The following HS6ST3 variants were observed in gnomAD, a reference collection of about 807,000 sequenced individuals.
The protein encoded by HS6ST3 is heparan sulfate 6-O-sulfotransferase 3.
In HS6ST3, 12 loss-of-function variants were observed where a neutral mutation model predicts 36.7. The observed-to-expected ratio is 0.33, with a 90% CI of 0.21 to 0.53. The LOEUF (loss-of-function observed/expected upper bound fraction) is 0.53. Among genes scored for constraint, HS6ST3 ranks in the 20% least tolerant of loss-of-function variants. HS6ST3 has a pLI of 0.95. For synonymous variants in HS6ST3, 240 were observed against 257.5 expected, an observed-to-expected ratio of 0.93 and a Z score of 0.65; for missense variants, 584 against 640.9, an observed-to-expected ratio of 0.91 and a Z score of 0.96.
chr13:96,224,488 A>G (rs1305592611), intron 1 of HS6ST3, among the ~76,000 whole-genome samples: 1 of 152,202 alleles, frequency 6.6e-6, no homozygotes, highest in Non-Finnish European at 1.5e-5. Context: ...TGCCTGGCTA[A>G]TTTTTTAATT....
At chr13:96,124,962 C>T (rs2053943583) in intron 1 of HS6ST3, among the ~76,000 whole-genome samples, 1 of 151,888 alleles carries the variant, frequency 6.6e-6, no homozygotes, top group Admixed American at 6.6e-5. Context: ...TCTGCTGTAT[C>T]TAGAAAAGTA....
chr13:96,342,471 G>A lies in HS6ST3; in HGVS notation c.707+250902G>A, dbSNP rs146004072. On this transcript the variant is annotated intron_variant, in intron 1 of 1. Coordinates refer to ENST00000376705, the MANE Select transcript of HS6ST3 (RefSeq NM_153456.4). ...AGAGTTCCCCCGAAGCATCGCCCTT[G>A]TAGCCAACAGAACATTCTGTCGCAC... 3.9e-5 allele frequency among the ~76,000 whole-genome samples: 6 copies of A among 152,290 alleles called. No homozygotes were observed. The East Asian group carries it at 1.2e-3, about 29-fold the overall frequency.
rs567929184 is a variant in HS6ST3, at chr13:96,149,968, A to G, written c.707+58399A>G. ...GTGGTGTTACGGCATCTTTGTTCTC[A>G]TAGGTTGGTGAGCGGGACGGAGGGT... On this transcript the variant is annotated intron_variant, in intron 1 of 1. Transcript: ENST00000376705. Among the ~76,000 whole-genome samples, 128 of 152,282 alleles carry G rather than the reference A, an allele frequency of 8.4e-4. 1 individual carries two copies. Among genetic ancestry groups the G allele is most frequent in the Non-Finnish European group, 1.4e-3 (98 of 68,006 alleles).
At chr13:96,809,449 T>C (rs1243435632) in intron 1 of HS6ST3, among the ~76,000 whole-genome samples, 1 of 152,348 alleles carries the variant, frequency 6.6e-6, no homozygotes, top group East Asian at 1.9e-4. Flanking sequence ...TGGTTTTCAA[T>C]GTTTAATTTA....
intron 1 of HS6ST3, among the ~76,000 whole-genome samples, chr13:96,163,073 A>G (rs568184457): frequency 6.6e-6 from 1 of 152,122 alleles, no homozygotes; most frequent in African/African-American, 2.4e-5. Context: ...ATAGCTGCGA[A>G]TTCTTAAGAA....
intron 1 of HS6ST3, among the ~76,000 whole-genome samples, chr13:96,271,596 G>T (rs987698020): frequency 5.9e-5 from 9 of 151,940 alleles, no homozygotes; most frequent in Non-Finnish European, 1.2e-4. Context: ...ATTCTGAATG[G>T]AAAGGGGCTC....
At chr13:96,744,569 G>A (rs1201349519) in intron 1 of HS6ST3, among the ~76,000 whole-genome samples, 1 of 152,062 alleles carries the variant, frequency 6.6e-6, no homozygotes, top group Non-Finnish European at 1.5e-5. Context: ...AGAACCGTAT[G>A]AATAACTGTT....
intron 1 of HS6ST3, among the ~76,000 whole-genome samples, chr13:96,093,928 G>A (rs1269829195): frequency 6.6e-6 from 1 of 152,128 alleles, no homozygotes; most frequent in Non-Finnish European, 1.5e-5. Context: ...ATGGGAACAA[G>A]GTTCTACTTC....
chr13:96,552,184 A>G (rs1300928168), intron 1 of HS6ST3, among the ~76,000 whole-genome samples: 1 of 152,212 alleles, frequency 6.6e-6, no homozygotes, highest in African/African-American at 2.4e-5. Flanking sequence ...AATTACACCT[A>G]TTACAGAAGT....
chr13:96,248,198 G>A (rs1239162232), intron 1 of HS6ST3, among the ~76,000 whole-genome samples: 1 of 152,152 alleles, frequency 6.6e-6, no homozygotes, highest in Non-Finnish European at 1.5e-5. Flanking sequence ...ATACATGCCT[G>A]TACCAACAAA....
At chr13:96,628,323 G>A (rs912906745) in intron 1 of HS6ST3, among the ~76,000 whole-genome samples, 2 of 151,686 alleles carry the variant, frequency 1.3e-5, no homozygotes, top group South Asian at 4.2e-4. Context: ...CTTTTTCTAG[G>A]TATTTTTTTG....
chr13:96,433,278 C>T (rs1367445246), intron 1 of HS6ST3, among the ~76,000 whole-genome samples: 3 of 151,874 alleles, frequency 2.0e-5, no homozygotes, highest in Non-Finnish European at 4.4e-5. Context: ...TTGGGGTGAG[C>T]CCTAATCCAA....
At chr13:96,700,783 G>T (rs767000815) in intron 1 of HS6ST3, among the ~76,000 whole-genome samples, 1 of 152,150 alleles carries the variant, frequency 6.6e-6, no homozygotes, top group Non-Finnish European at 1.5e-5. Flanking sequence ...CACTGGAAAA[G>T]GTCATTTGCA....
At chr13:96,525,400 T>C (rs897756404) in intron 1 of HS6ST3, among the ~76,000 whole-genome samples, 4 of 152,200 alleles carry the variant, frequency 2.6e-5, no homozygotes, top group Admixed American at 1.3e-4. Context: ...CCTCCCTTCC[T>C]AGTTACCAGT....
intron 1 of HS6ST3, among the ~76,000 whole-genome samples, chr13:96,449,357 C>T (rs1052782432): frequency 7.9e-5 from 12 of 152,164 alleles, no homozygotes; most frequent in South Asian, 4.1e-4. Flanking sequence ...ACTGCCAAGG[C>T]GCTCCTTCTG....
intron 1 of HS6ST3, among the ~76,000 whole-genome samples, chr13:96,583,231 T>TTTTTTTTC (rs2056348863): frequency 7.1e-6 from 1 of 141,526 alleles, no homozygotes; most frequent in Non-Finnish European, 1.5e-5. Context: ...TTTTTTTTTT[T>TTTTTTTTC]GAGACGGAGT....
rs983017171 is a variant in HS6ST3 at position 96,798,348 on chromosome 13, G to T, written c.708-34142G>T. ...ACCTCTTTTCTCCTTGGAGACTGGGGAATGGGCTGAAAGTCCCAACCCTCT... is the reference window on the plus strand; with the variant it reads ...ACCTCTTTTCTCCTTGGAGACTGGGTAATGGGCTGAAAGTCCCAACCCTCT... On this transcript the variant is annotated intron_variant, in intron 1 of 1. Coordinates refer to ENST00000376705, the MANE Select transcript of HS6ST3 (RefSeq NM_153456.4). Among the ~76,000 whole-genome samples, 23 of 152,136 alleles carry T rather than the reference G, an allele frequency of 1.5e-4. 1 individual carries two copies. Among genetic ancestry groups the T allele is most frequent in the Non-Finnish European group, 2.8e-4 (19 of 67,974 alleles).
At chr13:96,679,209 T>A (rs78219857) in intron 1 of HS6ST3, among the ~76,000 whole-genome samples, 3,086 of 151,100 alleles carry the variant, frequency 0.02, 93 homozygotes, top group African/African-American at 0.071. Flanking sequence ...GTAGGGCCAA[T>A]GCTTATCTCT....
chr13:96,331,688 T>G (rs1312085465), intron 1 of HS6ST3, among the ~76,000 whole-genome samples: 9 of 152,178 alleles, frequency 5.9e-5, no homozygotes, highest in African/African-American at 2.2e-4. Flanking sequence ...GCAGGCCTCC[T>G]TGAGCTGTGG....
Sources: gnomAD v4.1 joint callset for allele counts (sites outside exome capture counted in the v4.1 genomes callset) on GRCh38, gnomAD v4.1.1 for gene constraint, MANE v1.5 for transcripts, NCBI Gene and HGNC (gene_info 2026-07-23, HGNC 2026-07-21) for gene names.